Variants in RPAP2 observed in about 807,000 individuals in gnomAD.
RPAP2 encodes RNA polymerase II associated protein 2.
A neutral mutation model predicts 73.1 loss-of-function variants in RPAP2; 52 were observed. The ratio of observed to expected loss-of-function variants is 0.71; its 90% CI spans 0.57 to 0.90. RPAP2 has a LOEUF of 0.90. RPAP2 is among the 40% of genes least tolerant of loss of function. The pLI is 0.00. For missense variants in RPAP2, 598 were observed against 701.8 expected, an observed-to-expected ratio of 0.85 and a Z score of 1.67; for synonymous variants, 225 against 242.1, an observed-to-expected ratio of 0.93 and a Z score of 0.65.
At chr1:92,374,345 C>A (rs1284859961) in intron 11 of RPAP2, among the ~76,000 whole-genome samples, 1 of 152,152 alleles carries the variant, frequency 6.6e-6, no homozygotes, top group Non-Finnish European at 1.5e-5. Flanking sequence ...ATGAAAAGAA[C>A]AGTTCTGGTA....
At chr1:92,367,181 G>A (rs1222971774) in intron 11 of RPAP2, among the ~76,000 whole-genome samples, 2 of 152,170 alleles carry the variant, frequency 1.3e-5, no homozygotes, top group South Asian at 4.1e-4. Context: ...AAAGGAAAGT[G>A]ACTGGATAGG....
At chr1:92,371,319 A>AAATATATATATATATATATATAT (rs1199565882) in intron 11 of RPAP2, among the ~76,000 whole-genome samples, 2 of 61,728 alleles carry the variant, frequency 3.2e-5, no homozygotes, top group African/African-American at 1.4e-4. Context: ...AAAAAAAAAA[A>AAATATATATATATATATATATAT]ATATATATAT....
At chr1:92,348,150 A>C (rs900019581) in intron 11 of RPAP2, among the ~76,000 whole-genome samples, 2 of 152,106 alleles carry the variant, frequency 1.3e-5, no homozygotes, top group Non-Finnish European at 2.9e-5. Context: ...CGGCCTCCCA[A>C]AGTGCTGTGA....
At position 92,323,881 on chromosome 1, in the gene RPAP2, A is replaced by T; in HGVS notation, c.961A>T (p.Arg321Trp). Residue 321 changes from arginine (R) to tryptophan (W), a missense_variant, in exon 8 of 13, where the codon AGG becomes TGG. Physicochemically the swap from Arg to Trp is moderately radical, Grantham distance 101. This residue lies in a region of RPAP2 where 506 missense variants were observed against 612.8 expected (regional missense o/e 0.83). Transcript: ENST00000610020. ...ASENSESEYSRSEITLVGISK... is the reference protein window; with the variant it reads ...ASENSESEYSWSEITLVGISK... ...AGAAAATTCTGAAAGTGAATACAGT[A>T]GGTCAGAAATAACTCTAGTAGGCAT... 1 of 1,614,124 alleles carries T rather than the reference A, an allele frequency of 6.2e-7. No homozygotes were observed. Among genetic ancestry groups the T allele is most frequent in the Non-Finnish European group, 8.5e-7 (1 of 1,179,976 alleles).
intron 9 of RPAP2, 148 bp from the exon 10 acceptor site, chr1:92,336,199 A>G: frequency 1.6e-6 from 1 of 620,182 alleles, no homozygotes; most frequent in Non-Finnish European, 2.9e-6. Context: ...ATGAGTTCTC[A>G]CCAATCATAA....
intron 6 of RPAP2, among the ~76,000 whole-genome samples, chr1:92,314,501 G>C (rs1651794583): frequency 6.6e-6 from 1 of 152,152 alleles, no homozygotes; most frequent in Non-Finnish European, 1.5e-5. Context: ...CAGTAATCCA[G>C]CACTTTGGGA....
chr1:92,301,969 A>G (rs1379427908), intron 3 of RPAP2, among the ~76,000 whole-genome samples: 1 of 152,222 alleles, frequency 6.6e-6, no homozygotes, highest in African/African-American at 2.4e-5. Flanking sequence ...CCACAAATAT[A>G]TACAATTATT....
chr1:92,336,390 A>G lies in RPAP2; in HGVS notation c.1582A>G (p.Ile528Val), dbSNP rs1333828813. The stretch of plus-strand genomic sequence containing the variant: ...TCCTCTTCAGATTACATTGGGAGAT[A>G]TTTACACACAACTTAAAAATCTTGT... ...LVPLQITLGD[I>V]YTQLKNLVRT... Residue 528 changes from isoleucine (I) to valine (V), a missense_variant, in exon 10 of 13, where the codon ATT becomes GTT. Physicochemically the swap from Ile to Val is conservative, Grantham distance 29. Coordinates refer to ENST00000610020, the MANE Select transcript of RPAP2 (RefSeq NM_024813.3). 2 of 1,610,666 alleles carry G rather than the reference A, an allele frequency of 1.2e-6. No homozygotes were observed. Among genetic ancestry groups the G allele is most frequent in the South Asian group, 1.1e-5 (1 of 90,550 alleles).
intron 6 of RPAP2, among the ~76,000 whole-genome samples, chr1:92,310,306 C>T (rs933723494): frequency 6.6e-6 from 1 of 152,150 alleles, no homozygotes; most frequent in African/African-American, 2.4e-5. Context: ...TTTTTTCAGA[C>T]ATCTTTTTAC....
intron 11 of RPAP2, among the ~76,000 whole-genome samples, chr1:92,377,706 T>C (rs371883289): frequency 2.6e-5 from 4 of 152,268 alleles, no homozygotes; most frequent in East Asian, 3.9e-4. Flanking sequence ...GCCTGATAGA[T>C]GAGCAGTATT....
chr1:92,333,297 C>A (rs983821162), intron 8 of RPAP2, 94 bp from the exon 9 acceptor site: 6 of 980,456 alleles, frequency 6.1e-6, no homozygotes, highest in Non-Finnish European at 9.6e-6. Flanking sequence ...GCCACAGATA[C>A]AAACTTTTGT....
chr1:92,376,757 T>C (rs551515609), intron 11 of RPAP2, among the ~76,000 whole-genome samples: 1 of 152,320 alleles, frequency 6.6e-6, no homozygotes, highest in East Asian at 1.9e-4. Context: ...AAGTAACAAT[T>C]AAATTTATAG....
rs1571169013 is a variant in RPAP2 at position 92,401,112 on chromosome 1, T to C, written c.*14101T>C. On this transcript the variant is annotated 3_prime_UTR_variant, in exon 13 of 13. Coordinates refer to ENST00000610020, the MANE Select transcript of RPAP2 (RefSeq NM_024813.3). The stretch of plus-strand genomic sequence containing the variant: ...AACCACCCCCATGATCCAATCACCT[T>C]CCACGAGGTCCCTCCCCCAACACGT... 6.6e-6 allele frequency: 1 copy of C among 152,128 alleles called. No homozygotes were observed. Among genetic ancestry groups the C allele is most frequent in the East Asian group, 1.9e-4 (1 of 5,176 alleles). The allele number at this position is 152,128 out of a possible 1,614,324, so 9.4% of individuals were successfully genotyped here.
At chr1:92,368,668 A>C (rs866426012) in intron 11 of RPAP2, among the ~76,000 whole-genome samples, 1 of 152,208 alleles carries the variant, frequency 6.6e-6, no homozygotes, top group Non-Finnish European at 1.5e-5. Context: ...TATCTTGCCC[A>C]AACTTGGAAA....
chr1:92,335,111 T>C (rs1045509644), intron 9 of RPAP2, among the ~76,000 whole-genome samples: 1 of 152,178 alleles, frequency 6.6e-6, no homozygotes, highest in African/African-American at 2.4e-5. Context: ...TGCTCGTGAT[T>C]AAACTGTTCT....
intron 11 of RPAP2, among the ~76,000 whole-genome samples, chr1:92,351,918 G>T (rs921496261): frequency 6.6e-6 from 1 of 152,102 alleles, no homozygotes; most frequent in Non-Finnish European, 1.5e-5. Flanking sequence ...TGTATCATAG[G>T]AGTCAAATGT....
At chr1:92,383,678 G>A (rs1363224423) in intron 12 of RPAP2, among the ~76,000 whole-genome samples, 3 of 151,838 alleles carry the variant, frequency 2.0e-5, no homozygotes, top group Admixed American at 2.0e-4. Context: ...GAGACGATGG[G>A]GTTTTCTAGA....
chr1:92,366,304 T>TA (rs1314817111), intron 11 of RPAP2, among the ~76,000 whole-genome samples: 1 of 152,100 alleles, frequency 6.6e-6, no homozygotes, highest in African/African-American at 2.4e-5. Flanking sequence ...CCATGTCTCT[T>TA]AAAAAAAGTG....
In RPAP2 at chr1:92,369,263, A is replaced by G. The variant is rs143777796; in HGVS notation, c.1689-11461A>G. Among the ~76,000 whole-genome samples, 377 of 152,248 alleles carry G rather than the reference A, an allele frequency of 2.5e-3. 4 individuals are homozygous for G. Among genetic ancestry groups the G allele is most frequent in the African/African-American group, 8.5e-3 (352 of 41,562 alleles). On this transcript the variant is annotated intron_variant, in intron 11 of 12. Coordinates refer to ENST00000610020, the MANE Select transcript of RPAP2 (RefSeq NM_024813.3). ...TACATAGAAGTTATTTGGGCCCACC[A>G]TGTTATTATGGGGTTTTGCTTGTTT...
Sources: allele counts gnomAD v4.1 joint callset (sites outside exome capture counted in the v4.1 genomes callset), GRCh38; gene constraint gnomAD v4.1.1; regional missense constraint gnomAD v4.1.1; transcripts MANE v1.5; gene names NCBI Gene and HGNC (gene_info 2026-07-23, HGNC 2026-07-21).